STRA6: variants seen among roughly 807,000 people sequenced by gnomAD.
STRA6 encodes the protein signaling receptor and transporter of retinol STRA6, also known as receptor for retinol uptake STRA6.
STRA6 carries 48 observed loss-of-function variants against 83.6 expected under a neutral mutation model. The observed-to-expected ratio is 0.57, with a 90% CI of 0.46 to 0.73. STRA6 has a LOEUF of 0.73. STRA6 is among the 30% of genes least tolerant of loss of function. The pLI is 0.00. For missense variants in STRA6, 760 were observed against 838.8 expected, an observed-to-expected ratio of 0.91 and a Z score of 1.16; for synonymous variants, 353 against 362.3, an observed-to-expected ratio of 0.97 and a Z score of 0.29.
chr15:74,208,030 C>A, intron 1 of STRA6: 1 of 1,365,630 alleles, frequency 7.3e-7, no homozygotes, highest in Non-Finnish European at 9.5e-7. Context: ...TCATGCCCCC[C>A]TCACCAACAG....
intron 5 of STRA6, 119 bp downstream of exon 5, chr15:74,195,889 C>A: frequency 7.1e-7 from 1 of 1,413,282 alleles, no homozygotes. Context: ...GGATAGCAGC[C>A]CATCTCATTG....
At chr15:74,194,241 G>C in intron 7 of STRA6, 1 of 787,280 alleles carries the variant, frequency 1.3e-6, no homozygotes. Flanking sequence ...TGTGTTCCCG[G>C]AGCATTAGGA....
intron 13 of STRA6, among the ~76,000 whole-genome samples, chr15:74,184,656 G>A (rs1239440958): frequency 6.6e-6 from 1 of 152,180 alleles, no homozygotes; most frequent in Non-Finnish European, 1.5e-5. Flanking sequence ...CCGGGCAGGT[G>A]CAGCTTCCCC....
At chr15:74,211,393 CTTTTTTTTTT>C (rs34963230), upstream of STRA6, among the ~76,000 whole-genome samples, 1 of 73,902 alleles carries the variant, frequency 1.4e-5, no homozygotes, top group East Asian at 4.4e-4. Flanking sequence ...CTGCCCCTGG[CTTTTTTTTTT>C]TTTTTTTTTT....
intron 8 of STRA6, among the ~76,000 whole-genome samples, chr15:74,193,462 C>T (rs189357356): frequency 2.0e-4 from 30 of 152,282 alleles, no homozygotes; most frequent in African/African-American, 6.3e-4. Context: ...GTGCAGAACT[C>T]GGATTAGGCA....
chr15:74,182,278 G>A lies in STRA6; in HGVS notation c.1419-16C>T. On this transcript the variant is annotated splice_polypyrimidine_tract_variant and intron_variant, in intron 15 of 18. Transcript: ENST00000395105. Reference sequence around the variant, plus strand: ...CCAGAAGGGCCTGCCAGTGGGGTGGGGAGGTGGTCGCTGTTAGCGGACCTC... The same window carrying A: ...CCAGAAGGGCCTGCCAGTGGGGTGGAGAGGTGGTCGCTGTTAGCGGACCTC... 1 of 1,614,066 alleles carries A rather than the reference G, an allele frequency of 6.2e-7. No homozygotes were observed. The highest frequency in any genetic ancestry group is 2.2e-5 in the East Asian group (1 of 44,880).
At chr15:74,191,553 G>T in intron 8 of STRA6, 62 bp from the exon 9 acceptor site, 1 of 1,448,400 alleles carries the variant, frequency 6.9e-7, no homozygotes, top group South Asian at 1.1e-5. Flanking sequence ...GTGGGTCCCT[G>T]GCTCAGGGAA....
chr15:74,197,565 G>A lies in STRA6; in HGVS notation c.181-142C>T, dbSNP rs150712067. ...TGACATCTTGGGGACTGGTCAAGGG[G>A]TGACAGACATCTGGAAGGTTGGACT... On this transcript the variant is annotated intron_variant, in intron 3 of 18. Transcript: ENST00000395105. The A allele has an allele frequency of 1.3e-5, 14 of 1,080,862 alleles. No individual in the cohort carries two copies. In the South Asian group the frequency reaches 1.6e-4, roughly 13 times the overall value. The allele number at this position is 1,080,862 out of a possible 1,614,324, so 67.0% of individuals were successfully genotyped here.
At chr15:74,190,349 T>C (rs977725386) in intron 11 of STRA6, among the ~76,000 whole-genome samples, 2 of 152,142 alleles carry the variant, frequency 1.3e-5, no homozygotes, top group Non-Finnish European at 2.9e-5. Flanking sequence ...CAAGCTTCCA[T>C]TCTCCCCATC....
chr15:74,189,411 C>T (rs754684476), intron 11 of STRA6, 134 bp from the exon 12 acceptor site: 15 of 1,318,204 alleles, frequency 1.1e-5, no homozygotes, highest in Non-Finnish European at 1.5e-5. Flanking sequence ...TCTTATCTGC[C>T]CCTTAGAGCA....
chr15:74,198,887 T>C (rs1186365837), intron 2 of STRA6, among the ~76,000 whole-genome samples: 1 of 152,144 alleles, frequency 6.6e-6, no homozygotes, highest in African/African-American at 2.4e-5. Flanking sequence ...CTGAGGACAA[T>C]GAAACCCTCC....
chr15:74,202,028 C>G, intron 2 of STRA6, 127 bp downstream of exon 2: 1 of 1,199,298 alleles, frequency 8.3e-7, no homozygotes, highest in South Asian at 3.0e-5. Context: ...CAAGGTCACA[C>G]AGCAAATGAG....
chr15:74,179,781 G>C lies in STRA6; in HGVS notation c.*299C>G. The C allele has an allele frequency of 2.6e-6, 1 of 378,994 alleles. No individual in the cohort carries two copies. The highest frequency in any genetic ancestry group is 4.7e-5 in the East Asian group (1 of 21,414). The allele number at this position is 378,994 out of a possible 1,614,324, so 23.5% of individuals were successfully genotyped here. On this transcript the variant is annotated 3_prime_UTR_variant, in exon 19 of 19. Coordinates refer to ENST00000395105, the MANE Select transcript of STRA6 (RefSeq NM_022369.4). Reference sequence around the variant, plus strand: ...GAGGCCCTTCAAGGCTGATGGCAGAGCCAGGGTAGGGAGACGCCTGGATGT... The same window carrying C: ...GAGGCCCTTCAAGGCTGATGGCAGACCCAGGGTAGGGAGACGCCTGGATGT...
At chr15:74,180,757 C>T in intron 18 of STRA6, 25 bp downstream of exon 18, 1 of 1,596,604 alleles carries the variant, frequency 6.3e-7, no homozygotes. Flanking sequence ...GGCTCTATTC[C>T]CCCATTCCCA....
rs2073095266 is a variant in STRA6 at position 74,183,576 on chromosome 15, G to A, written c.1300+280C>T. The A allele has an allele frequency of 5.4e-6, 7 of 1,292,332 alleles. No individual in the cohort carries two copies. The South Asian group carries it at 1.1e-4, about 20-fold the overall frequency. The allele number at this position is 1,292,332 out of a possible 1,614,324, so 80.1% of individuals were successfully genotyped here. ...TACCATTTTGAATTTGACACCTCCA[G>A]ACCTGGGTCCACCCCCATGTGAATA... On this transcript the variant is annotated intron_variant, in intron 14 of 18. Coordinates refer to ENST00000395105, the MANE Select transcript of STRA6 (RefSeq NM_022369.4).
chr15:74,180,398 A>G (rs1345644269), intron 18 of STRA6, among the ~76,000 whole-genome samples, 155 bp from the exon 19 acceptor site: 1 of 152,046 alleles, frequency 6.6e-6, no homozygotes, highest in Non-Finnish European at 1.5e-5. Flanking sequence ...GTGGGGGGTG[A>G]GGTCTGTGGA....
chr15:74,191,505 C>T lies in STRA6; in HGVS notation c.721-14G>A, dbSNP rs1402549494. ...GCTCTGCAGCCCCTGTGGAGACAGA[C>T]AATTGAACAAGCAGATGAGATCTGC... On this transcript the variant is annotated splice_polypyrimidine_tract_variant and intron_variant, in intron 8 of 18. Coordinates refer to ENST00000395105, the MANE Select transcript of STRA6 (RefSeq NM_022369.4). 6.2e-7 allele frequency: 1 copy of T among 1,612,912 alleles called. No homozygotes were observed. The highest frequency in any genetic ancestry group is 8.5e-7 in the Non-Finnish European group (1 of 1,178,948).
At chr15:74,202,676 C>T in intron 1 of STRA6, 37 bp downstream of exon 1, 6 of 1,386,226 alleles carry the variant, frequency 4.3e-6, no homozygotes, top group Non-Finnish European at 5.6e-6. Context: ...CTTCCTTCCC[C>T]TTTCCCAAGC....
At chr15:74,206,309 A>G (rs1438502470), upstream of STRA6, among the ~76,000 whole-genome samples, 2 of 152,176 alleles carry the variant, frequency 1.3e-5, no homozygotes, top group African/African-American at 2.4e-5. Flanking sequence ...GCGTGGCTCA[A>G]GCTGCAAGGT....
Sources: allele counts gnomAD v4.1 joint callset (sites outside exome capture counted in the v4.1 genomes callset), GRCh38; gene constraint gnomAD v4.1.1; transcripts MANE v1.5; gene names NCBI Gene and HGNC (gene_info 2026-07-23, HGNC 2026-07-21).